The following TMEM114 variants were observed in gnomAD, a reference collection of about 807,000 sequenced individuals.
TMEM114 encodes transmembrane protein 114.
A neutral mutation model predicts 6.2 loss-of-function variants in TMEM114; 6 were observed. The ratio of observed to expected loss-of-function variants is 0.97; its 90% CI spans 0.53 to 1.91. The LOEUF (loss-of-function observed/expected upper bound fraction) is 1.91, where lower values mean the gene tolerates loss of function less well. Among genes scored for constraint, TMEM114 ranks in the 40% most tolerant of loss-of-function variants. TMEM114 has a pLI of 0.01. For missense variants in TMEM114, 218 were observed against 158.3 expected (o/e 1.38, Z -2.02); for synonymous variants, 104 against 73.0 (o/e 1.42, Z -2.16).
chr16:8,583,674 G>A (rs1013170921), intron 2 of TMEM114, among the ~76,000 whole-genome samples: 1 of 152,022 alleles, frequency 6.6e-6, no homozygotes, highest in Non-Finnish European at 1.5e-5. Context: ...CTTGAGCCTG[G>A]GAGTTCGAGG....
chr16:8,563,865 G>C (rs1901397489), intron 2 of TMEM114, among the ~76,000 whole-genome samples: 1 of 150,628 alleles, frequency 6.6e-6, no homozygotes, highest in South Asian at 2.1e-4. Context: ...GAGGGAATGA[G>C]TGAATGAGTG....
chr16:8,546,558 T>C (rs1029877308), intron 2 of TMEM114, among the ~76,000 whole-genome samples: 1 of 152,308 alleles, frequency 6.6e-6, no homozygotes, highest in Non-Finnish European at 1.5e-5. Flanking sequence ...CTCTAGCAAT[T>C]GGTTCAGGAA....
intron 2 of TMEM114, among the ~76,000 whole-genome samples, chr16:8,555,697 G>A (rs1183987453): frequency 2.6e-5 from 4 of 152,190 alleles, no homozygotes; most frequent in Non-Finnish European, 5.9e-5. Context: ...TTCTCAACCA[G>A]GACAATCGTG....
the TMEM114 span, among the ~76,000 whole-genome samples, chr16:8,528,040 C>T: frequency 3.3e-5 from 5 of 152,164 alleles, no homozygotes; most frequent in East Asian, 9.6e-4. Context: ...TCCTGCGTAG[C>T]TGGGATCACA....
At chr16:8,580,549 G>C (rs529043543) in intron 2 of TMEM114, among the ~76,000 whole-genome samples, 20 of 150,986 alleles carry the variant, frequency 1.3e-4, no homozygotes, top group African/African-American at 4.9e-4. Flanking sequence ...GCCACCCCAA[G>C]CCCTGTGTCT....
intron 2 of TMEM114, among the ~76,000 whole-genome samples, chr16:8,575,792 T>G (rs944539142): frequency 1.3e-5 from 2 of 152,230 alleles, no homozygotes; most frequent in African/African-American, 4.8e-5. Context: ...TTCATTGTTA[T>G]TGTTTCTCAG....
chr16:8,536,661 G>A (rs1900369173), downstream of TMEM114, among the ~76,000 whole-genome samples: 1 of 151,676 alleles, frequency 6.6e-6, no homozygotes, highest in South Asian at 2.1e-4. Context: ...TTTTTATTTT[G>A]GTTTGTTTTT....
downstream of TMEM114, among the ~76,000 whole-genome samples, chr16:8,566,797 A>G (rs1365257850): frequency 6.6e-6 from 1 of 151,396 alleles, no homozygotes; most frequent in Non-Finnish European, 1.5e-5. Flanking sequence ...CAGGTTCTTC[A>G]TGCGGGTCTC....
At chr16:8,570,906 C>T (rs992867135) in intron 3 of TMEM114, among the ~76,000 whole-genome samples, 2 of 152,288 alleles carry the variant, frequency 1.3e-5, no homozygotes, top group South Asian at 4.1e-4. Context: ...TCCCGATGCT[C>T]GGCATGGATT....
intron 2 of TMEM114, among the ~76,000 whole-genome samples, chr16:8,541,690 T>C (rs372415822): frequency 3.3e-5 from 5 of 152,320 alleles, no homozygotes; most frequent in African/African-American, 1.2e-4. Flanking sequence ...GAAACAGCAG[T>C]CTGTTTTAAT....
chr16:8,543,877 C>G (rs1235413889), intron 2 of TMEM114, among the ~76,000 whole-genome samples: 1 of 152,176 alleles, frequency 6.6e-6, no homozygotes, highest in African/African-American at 2.4e-5. Context: ...AACGCTTTGT[C>G]AAAGTCCATA....
At chr16:8,576,752 AAG>A (rs1567208942) in intron 2 of TMEM114, among the ~76,000 whole-genome samples, 2 of 146,852 alleles carry the variant, frequency 1.4e-5, no homozygotes, top group Non-Finnish European at 3.0e-5. Context: ...GGAAGGAAGG[AAG>A]GAAGGAAGGA....
downstream of TMEM114, among the ~76,000 whole-genome samples, chr16:8,566,751 T>G (rs1901559092): frequency 6.6e-6 from 1 of 152,192 alleles, no homozygotes; most frequent in Non-Finnish European, 1.5e-5. Context: ...CCTTTGCGTC[T>G]GCTGTCACCT....
At chr16:8,568,784 C>T (rs1703825996), downstream of TMEM114, among the ~76,000 whole-genome samples, 1 of 152,168 alleles carries the variant, frequency 6.6e-6, no homozygotes, top group African/African-American at 2.4e-5. Context: ...CTGGAGAGCT[C>T]TTAAAAAACA....
intron 2 of TMEM114, among the ~76,000 whole-genome samples, chr16:8,584,302 C>G (rs1902247607): frequency 6.6e-6 from 1 of 152,172 alleles, no homozygotes; most frequent in East Asian, 1.9e-4. Context: ...GCTGATACAG[C>G]TAGACTGGAT....
At chr16:8,538,305 A>G (rs1900420045) in intron 2 of TMEM114, among the ~76,000 whole-genome samples, 1 of 151,460 alleles carries the variant, frequency 6.6e-6, no homozygotes, top group Non-Finnish European at 1.5e-5. Flanking sequence ...AAAAAAAAAA[A>G]GACAGACATA....
chr16:8,550,090 T>A (rs866951693), intron 2 of TMEM114, among the ~76,000 whole-genome samples: 1 of 152,152 alleles, frequency 6.6e-6, no homozygotes, highest in African/African-American at 2.4e-5. Context: ...GCAGGAAGCA[T>A]CCATCATGGG....
chr16:8,535,131 C>G (rs188380550), downstream of TMEM114, among the ~76,000 whole-genome samples: 2 of 152,268 alleles, frequency 1.3e-5, no homozygotes, highest in East Asian at 3.9e-4. Flanking sequence ...CTCTGAGTCT[C>G]TGTGTCCCCC....
At chr16:8,546,326 T>C (rs563240743) in intron 2 of TMEM114, among the ~76,000 whole-genome samples, 3 of 152,328 alleles carry the variant, frequency 2.0e-5, no homozygotes, top group African/African-American at 7.2e-5. Context: ...CTGTCAGCAA[T>C]TGTAAACATG....
Sources: allele counts gnomAD v4.1 joint callset (sites outside exome capture counted in the v4.1 genomes callset), GRCh38; gene constraint gnomAD v4.1.1; transcripts MANE v1.5; gene names NCBI Gene and HGNC (gene_info 2026-07-23, HGNC 2026-07-21).